WAPL: variants seen among roughly 807,000 people sequenced by gnomAD.
The protein encoded by WAPL is wings apart-like protein homolog.
Under a neutral mutation model 121.0 loss-of-function variants are expected in WAPL, and 5 were observed. The ratio of observed to expected loss-of-function variants is 0.04; its 90% CI spans 0.02 to 0.09. The LOEUF is 0.09. Ranked by LOEUF, WAPL falls within the 10% of genes least tolerant of loss-of-function variation. WAPL has a pLI of 1.00. For missense variants in WAPL, 999 were observed against 1,410.8 expected, an observed-to-expected ratio of 0.71 and a Z score of 4.68; for synonymous variants, 480 against 481.5, an observed-to-expected ratio of 1.00 and a Z score of 0.04.
intron 15 of WAPL, among the ~76,000 whole-genome samples, chr10:86,449,420 T>C (rs1300000739): frequency 6.6e-6 from 1 of 152,136 alleles, no homozygotes; most frequent in Non-Finnish European, 1.5e-5. Context: ...AACTTTAAAC[T>C]GATTTAAAAA....
At chr10:86,458,476 A>G (rs909137932) in intron 12 of WAPL, among the ~76,000 whole-genome samples, 1 of 152,234 alleles carries the variant, frequency 6.6e-6, no homozygotes, top group Non-Finnish European at 1.5e-5. Context: ...CATTTAAAAC[A>G]AGAATGAGGA....
intron 3 of WAPL, among the ~76,000 whole-genome samples, chr10:86,497,867 C>T (rs1292240558): frequency 1.3e-5 from 2 of 152,180 alleles, no homozygotes; most frequent in Admixed American, 6.5e-5. Flanking sequence ...AATGATTTGT[C>T]GGTCTTCAAA....
chr10:86,462,721 C>CAAAA (rs59998538), intron 9 of WAPL, among the ~76,000 whole-genome samples: 2,127 of 79,864 alleles, frequency 0.027, 47 homozygotes, highest in Non-Finnish European at 0.039. Context: ...GATCCCGTCT[C>CAAAA]AAAAAAAAAA....
chr10:86,461,788 AAC>A (rs1233238005), intron 9 of WAPL, among the ~76,000 whole-genome samples: 5 of 152,224 alleles, frequency 3.3e-5, no homozygotes, highest in Admixed American at 3.3e-4. Flanking sequence ...AGTAACCTTG[AAC>A]AGTTTTTCAC....
At chr10:86,505,161 T>C (rs948580955) in intron 2 of WAPL, among the ~76,000 whole-genome samples, 1 of 143,886 alleles carries the variant, frequency 6.9e-6, no homozygotes, top group African/African-American at 2.6e-5. Flanking sequence ...CTGTAGAGTT[T>C]TTTTTTCTGT....
intron 12 of WAPL, among the ~76,000 whole-genome samples, chr10:86,454,852 C>T (rs1426352882): frequency 5.9e-5 from 9 of 151,332 alleles, no homozygotes; most frequent in African/African-American, 1.9e-4. Flanking sequence ...GCCGCGACCC[C>T]GTCTGGGAAC....
intron 14 of WAPL, among the ~76,000 whole-genome samples, chr10:86,452,574 A>G (rs1293216537): frequency 2.0e-5 from 3 of 152,168 alleles, no homozygotes; most frequent in African/African-American, 7.2e-5. Flanking sequence ...CCTGGGCAAG[A>G]GAGTGAGTGA....
intron 15 of WAPL, among the ~76,000 whole-genome samples, chr10:86,447,345 T>A (rs957666105): frequency 6.6e-6 from 1 of 152,262 alleles, no homozygotes; most frequent in Non-Finnish European, 1.5e-5. Flanking sequence ...CTCCTACTTA[T>A]GACTCCAGGA....
intron 2 of WAPL, among the ~76,000 whole-genome samples, chr10:86,515,078 G>A (rs940490350): frequency 1.3e-5 from 2 of 152,024 alleles, no homozygotes; most frequent in Non-Finnish European, 2.9e-5. Context: ...GGGCCAACAT[G>A]GTGAAACGCC....
In WAPL at chr10:86,472,617, T is replaced by G. The variant is rs1440128949; in HGVS notation, c.1888A>C (p.Lys630Gln). The change falls in exon 6 of 19, where the codon AAA (lysine) becomes CAA (glutamine). Residue 630 changes from lysine (K) to glutamine (Q), a missense_variant. By Grantham distance (53) the Lys-to-Gln change is moderately conservative (BLOSUM62 1). Around this residue, in one of 7 missense-constraint regions of WAPL, gnomAD observed 118 missense variants for 318.3 expected, o/e 0.37. Coordinates refer to ENST00000298767, the MANE Select transcript of WAPL (RefSeq NM_015045.5). The surrounding 1 kb of genome is among the most constrained non-coding windows in gnomAD (Gnocchi z 4.2). Reference protein sequence around the residue: ...VTALKCRREDKELYTVVQHVK... With the variant: ...VTALKCRREDQELYTVVQHVK... ...CACTGTATATGGCTGCTTACTTCTTTGTCTTCTCGTCTGCATTTCAGTGCA... is the reference window on the plus strand; with the variant it reads ...CACTGTATATGGCTGCTTACTTCTTGGTCTTCTCGTCTGCATTTCAGTGCA... The G allele has an allele frequency of 6.2e-7, 1 of 1,613,072 alleles. No individual in the cohort carries two copies. The highest frequency in any genetic ancestry group is 2.2e-5 in the East Asian group (1 of 44,852).
intron 8 of WAPL, 49 bp downstream of exon 8, chr10:86,470,943 T>C (rs377428334): frequency 2.8e-6 from 4 of 1,451,770 alleles, no homozygotes; most frequent in South Asian, 1.2e-5. Context: ...CCAAATAGAC[T>C]AGTAGTTTTC....
At chr10:86,502,377 G>C (rs527929659) in intron 2 of WAPL, among the ~76,000 whole-genome samples, 1 of 152,166 alleles carries the variant, frequency 6.6e-6, no homozygotes, top group South Asian at 2.1e-4. Context: ...TATACTGCAT[G>C]TAAGTTGTCT....
chr10:86,461,141 A>G (rs1409343187), intron 10 of WAPL, 35 bp downstream of exon 10: 21 of 1,486,016 alleles, frequency 1.4e-5, no homozygotes, highest in East Asian at 4.5e-5. Flanking sequence ...GGCTTTAAAT[A>G]ATATATAAAA....
intron 1 of WAPL, among the ~76,000 whole-genome samples, chr10:86,520,651 C>T (rs1447003897): frequency 6.6e-6 from 1 of 151,600 alleles, no homozygotes; most frequent in Non-Finnish European, 1.5e-5. Flanking sequence ...CTTTAAACTC[C>T]AAAGACTGTC....
At chr10:86,458,403 A>G (rs1041450946) in intron 12 of WAPL, among the ~76,000 whole-genome samples, 6 of 152,208 alleles carry the variant, frequency 3.9e-5, no homozygotes, top group Non-Finnish European at 5.9e-5. Context: ...GTGGAATGGA[A>G]GAAGCTACAT....
At chr10:86,467,187 A>C (rs1841418581) in intron 9 of WAPL, 92 bp downstream of exon 9, 1 of 1,159,914 alleles carries the variant, frequency 8.6e-7, no homozygotes, top group Non-Finnish European at 1.2e-6. Context: ...TTAGAATTAA[A>C]ATAATTTGCC....
chr10:86,492,898 A>C (rs1842077818), intron 4 of WAPL, among the ~76,000 whole-genome samples: 1 of 152,092 alleles, frequency 6.6e-6, no homozygotes, highest in Non-Finnish European at 1.5e-5. Context: ...TCTACCAAAA[A>C]TACAAAAACA....
intron 2 of WAPL, among the ~76,000 whole-genome samples, chr10:86,505,061 A>G (rs1408114317): frequency 1.3e-5 from 2 of 152,200 alleles, no homozygotes; most frequent in African/African-American, 4.8e-5. Flanking sequence ...GATTAAAAAA[A>G]TAAAAGCACT....
At chr10:86,456,404 CAAAAA>C (rs200771344) in intron 12 of WAPL, among the ~76,000 whole-genome samples, 1 of 117,752 alleles carries the variant, frequency 8.5e-6, no homozygotes. Flanking sequence ...TTTATGATAC[CAAAAA>C]AAAAAAAAAA....
Sources: gnomAD v4.1 joint callset for allele counts (sites outside exome capture counted in the v4.1 genomes callset) on GRCh38, gnomAD v4.1.1 for gene constraint, gnomAD v4.1.1 regional missense constraint, Gnocchi (gnomAD v3.1) non-coding constraint, MANE v1.5 for transcripts, NCBI Gene and HGNC (gene_info 2026-07-23, HGNC 2026-07-21) for gene names.